The following ANKRD12 variants were observed in gnomAD, a reference collection of about 807,000 sequenced individuals.
ANKRD12 encodes ankyrin repeat domain 12.
In ANKRD12, 85 loss-of-function variants were observed where a neutral mutation model predicts 183.4. The ratio of observed to expected loss-of-function variants is 0.46; its 90% confidence interval spans 0.39 to 0.56. The LOEUF (loss-of-function observed/expected upper bound fraction) is 0.56, where lower values mean the gene tolerates loss of function less well. Ranked by LOEUF, ANKRD12 falls within the 20% of genes least tolerant of loss-of-function variation. The pLI, the probability that ANKRD12 is intolerant of heterozygous loss-of-function variation, is 0.00. For missense variants in ANKRD12, 2,405 were observed against 2,357.1 expected, an observed-to-expected ratio of 1.02 and a Z score of -0.42; for synonymous variants, 914 against 800.2, an observed-to-expected ratio of 1.14 and a Z score of -2.40.
chr18:9,242,640 T>C (rs1252248484), intron 8 of ANKRD12, among the ~76,000 whole-genome samples: 1 of 152,194 alleles, frequency 6.6e-6, no homozygotes, highest in Non-Finnish European at 1.5e-5. Flanking sequence ...ATACAAGTCT[T>C]ATTTTCAGAG....
chr18:9,278,824 G>C (rs1378785967), intron 11 of ANKRD12, among the ~76,000 whole-genome samples: 3 of 151,938 alleles, frequency 2.0e-5, no homozygotes, highest in Non-Finnish European at 2.9e-5. Context: ...GCTACCTGCT[G>C]CCTGGATGTC....
intron 1 of ANKRD12, among the ~76,000 whole-genome samples, chr18:9,162,872 G>T (rs906889323): frequency 6.6e-6 from 1 of 151,772 alleles, no homozygotes; most frequent in Non-Finnish European, 1.5e-5. Flanking sequence ...CATGTTCTTT[G>T]CCCACTTTTT....
In ANKRD12 at chr18:9,279,508, G is replaced by C. The variant is rs199994830; in HGVS notation, c.5908-41G>C. ...ACTATAATGGCATATAGATTTTAAA[G>C]TGATTTATTGTATTTTATAATACTC... On this transcript the variant is annotated intron_variant, in intron 11 of 12. Coordinates refer to ENST00000262126, the MANE Select transcript of ANKRD12 (RefSeq NM_015208.5). 1.3e-5 allele frequency: 15 copies of C among 1,183,714 alleles called. No individual in the cohort carries two copies. In the Admixed American group the frequency reaches 3.0e-4, roughly 24 times the overall value. 73.3% of individuals were successfully genotyped at this position (1,183,714 alleles called of 1,614,324 possible).
At position 9,166,165 on chromosome 18, in the gene ANKRD12, G is replaced by A. The variant is rs540549267; in HGVS notation, c.-51-16217G>A. On this transcript the variant is annotated intron_variant, in intron 1 of 12. Coordinates refer to ENST00000262126, the MANE Select transcript of ANKRD12 (RefSeq NM_015208.5). ...TTCCAAGTCTTTGCTGTTGTGAATAGTGCCGCAATAAACATACGTGTGCAT... is the reference window on the plus strand; with the variant it reads ...TTCCAAGTCTTTGCTGTTGTGAATAATGCCGCAATAAACATACGTGTGCAT... 2.6e-4 allele frequency among the ~76,000 whole-genome samples: 39 copies of A among 152,200 alleles called. No individual in the cohort carries two copies. In the South Asian group the frequency reaches 5.2e-3, roughly 20 times the overall value.
At chr18:9,239,631 C>T in intron 8 of ANKRD12, 1 of 618,384 alleles carries the variant, frequency 1.6e-6, no homozygotes, top group Non-Finnish European at 2.5e-6. Context: ...ACTTAATTTA[C>T]ATGAGGTCCT....
chr18:9,234,383 G>A (rs546519763), intron 8 of ANKRD12, among the ~76,000 whole-genome samples: 15 of 152,312 alleles, frequency 9.8e-5, no homozygotes, highest in African/African-American at 2.9e-4. Context: ...CACACAGTTT[G>A]TGCTGCTGGT....
At position 9,257,297 on chromosome 18, in the gene ANKRD12, CCTT is replaced by C. The variant is rs1567979786; in HGVS notation, c.4033_4035del (p.Ser1345del). ...ATTAACTGTGCCAGGAGATACTAGT[CCTT>C]CTCCCAAACCTGAGGTATTCTCAAA... On this transcript the variant is annotated inframe_deletion, in exon 9 of 13. Transcript: ENST00000262126. 17 of 1,613,978 alleles carry C rather than the reference CCTT, an allele frequency of 1.1e-5. No individual in the cohort carries two copies. In the East Asian group the frequency reaches 1.1e-4, roughly 11 times the overall value.
chr18:9,168,980 C>T (rs2032390693), intron 1 of ANKRD12, among the ~76,000 whole-genome samples: 1 of 152,146 alleles, frequency 6.6e-6, no homozygotes, highest in South Asian at 2.1e-4. Context: ...ATTATTTACC[C>T]AGTAGTCATT....
chr18:9,253,469 G>A (rs1420707126), intron 8 of ANKRD12, among the ~76,000 whole-genome samples: 1 of 152,134 alleles, frequency 6.6e-6, no homozygotes, highest in Non-Finnish European at 1.5e-5. Context: ...TTCACTTAAA[G>A]TACTGTCCTC....
At chr18:9,211,515 T>G in intron 5 of ANKRD12, 69 bp from the exon 6 acceptor site, 1 of 1,394,228 alleles carries the variant, frequency 7.2e-7, no homozygotes, top group East Asian at 2.3e-5. Flanking sequence ...ATATTACCAA[T>G]AAAAACATTT....
chr18:9,138,087 C>T (rs1392182365), intron 1 of ANKRD12, among the ~76,000 whole-genome samples: 1 of 152,196 alleles, frequency 6.6e-6, no homozygotes, highest in Non-Finnish European at 1.5e-5. Context: ...TTCGGAATTA[C>T]CTCTAATCCT....
chr18:9,170,203 T>C (rs1240843354), intron 1 of ANKRD12, among the ~76,000 whole-genome samples: 5 of 152,318 alleles, frequency 3.3e-5, no homozygotes, highest in South Asian at 2.1e-4. Context: ...GGAGTTGCTC[T>C]TCTCGAGGAG....
chr18:9,254,597 T>C lies in ANKRD12; in HGVS notation c.1330T>C (p.Ser444Pro). ...LQNKKISTSC[S>P]VIPETSNSDM... is the part of the protein sequence containing the mutation. ...GAATAAAAAGATTTCTACTTCATGTTCCGTCATCCCTGAAACATCAAATTC... is the reference window on the plus strand; with the variant it reads ...GAATAAAAAGATTTCTACTTCATGTCCCGTCATCCCTGAAACATCAAATTC... The change falls in exon 9 of 13, where the codon TCC becomes CCC. Residue 444 changes from serine to proline, a missense_variant. Ser to Pro is a moderately conservative substitution (Grantham distance 74). Coordinates refer to ENST00000262126, the MANE Select transcript of ANKRD12 (RefSeq NM_015208.5). 6.3e-7 allele frequency: 1 copy of C among 1,583,524 alleles called. No homozygotes were observed.
At chr18:9,145,860 A>G (rs985240786) in intron 1 of ANKRD12, among the ~76,000 whole-genome samples, 4 of 152,252 alleles carry the variant, frequency 2.6e-5, no homozygotes, top group African/African-American at 9.6e-5. Context: ...TTAGACCCCA[A>G]TTGTAAGCAC....
chr18:9,226,711 CAAAG>C (rs2036735992), intron 8 of ANKRD12, among the ~76,000 whole-genome samples: 1 of 152,126 alleles, frequency 6.6e-6, no homozygotes, highest in Non-Finnish European at 1.5e-5. Context: ...TTTACATCAT[CAAAG>C]GAAGGAGATA....
At chr18:9,175,272 A>G (rs2033156579) in intron 1 of ANKRD12, among the ~76,000 whole-genome samples, 1 of 152,172 alleles carries the variant, frequency 6.6e-6, no homozygotes, top group South Asian at 2.1e-4. Context: ...TGCAGTCTCC[A>G]TGTTTGTAGC....
chr18:9,157,437 C>A (rs58470167), intron 1 of ANKRD12, among the ~76,000 whole-genome samples: 2 of 151,620 alleles, frequency 1.3e-5, no homozygotes, highest in African/African-American at 2.4e-5. Flanking sequence ...CTAGTGAGTA[C>A]GTATGACTTT....
intron 1 of ANKRD12, among the ~76,000 whole-genome samples, chr18:9,151,438 A>G (rs1020380336): frequency 1.1e-4 from 16 of 152,204 alleles, no homozygotes; most frequent in African/African-American, 3.6e-4. Context: ...TTGGAACGAG[A>G]GGATCTTAAA....
chr18:9,203,168 T>C lies in ANKRD12; in HGVS notation c.236-1308T>C, dbSNP rs138311049. The stretch of plus-strand genomic sequence containing the variant: ...AATGTATTCCATTTTGAAATATGTG[T>C]TCATTGAAAGTTTTACCATTCAGCC... On this transcript the variant is annotated intron_variant, in intron 3 of 12. Transcript: ENST00000262126. Among the ~76,000 whole-genome samples the C allele has an allele frequency of 6.9e-3, 1,058 of 152,350 alleles. 22 individuals carry two copies. Among genetic ancestry groups the C allele is most frequent in the African/African-American group, 0.024 (1,002 of 41,574 alleles).
Sources: allele counts gnomAD v4.1 joint callset (sites outside exome capture counted in the v4.1 genomes callset), GRCh38; gene constraint gnomAD v4.1.1; transcripts MANE v1.5; gene names NCBI Gene and HGNC (gene_info 2026-07-23, HGNC 2026-07-21).